The following QRICH1 variants were observed in gnomAD, a reference collection of about 807,000 sequenced individuals.
QRICH1 encodes the protein glutamine rich 1.
In QRICH1, 16 loss-of-function variants were observed where a neutral mutation model predicts 87.1. That is an observed-to-expected ratio of 0.18 (90% CI 0.12 to 0.28). QRICH1 has a LOEUF of 0.28. Among genes scored for constraint, QRICH1 ranks in the 10% least tolerant of loss-of-function variants. The pLI is 1.00. For missense variants in QRICH1, 647 were observed against 951.7 expected (o/e 0.68, Z 4.21); for synonymous variants, 367 against 368.4 (o/e 1.00, Z 0.05).
intron 1 of QRICH1, among the ~76,000 whole-genome samples, chr3:49,080,294 T>C (rs905518780): frequency 6.6e-6 from 1 of 152,090 alleles, no homozygotes; most frequent in Non-Finnish European, 1.5e-5. Context: ...CATAATATAC[T>C]GAGACTGATT....
chr3:49,048,256 C>T (rs1407311521), intron 3 of QRICH1, among the ~76,000 whole-genome samples: 2 of 151,556 alleles, frequency 1.3e-5, no homozygotes, highest in East Asian at 3.9e-4. Context: ...CCTCAGCCTC[C>T]CAAGTAGCTA....
chr3:49,057,049 A>G lies in QRICH1; in HGVS notation c.1151T>C (p.Phe384Ser). 6.2e-7 allele frequency: 1 copy of G among 1,614,220 alleles called. No homozygotes were observed. Among genetic ancestry groups the G allele is most frequent in the Non-Finnish European group, 8.5e-7 (1 of 1,180,036 alleles). ...EVVQTLANSL[F>S]PAQFMNGNIH... ...GTTGCCATTCATGAACTGTGCTGGAAAGAGAGAGTTTGCAAGGGTCTGCAC... is the reference window on the plus strand; with the variant it reads ...GTTGCCATTCATGAACTGTGCTGGAGAGAGAGAGTTTGCAAGGGTCTGCAC... The change falls in exon 3 of 10, where the codon TTT becomes TCT. Residue 384 changes from phenylalanine (F) to serine (S), a missense_variant. Phe to Ser is a radical substitution (Grantham distance 155). Around this residue, in one of 7 missense-constraint regions of QRICH1, gnomAD observed 115 missense variants for 126.8 expected, o/e 0.91. Coordinates refer to ENST00000395443, the MANE Select transcript of QRICH1 (RefSeq NM_198880.3). This position sits in a 1 kb window ranked among gnomAD's most constrained non-coding sequence, Gnocchi z 5.4.
intron 1 of QRICH1, among the ~76,000 whole-genome samples, chr3:49,081,396 AAC>A (rs1315299927): frequency 6.6e-6 from 1 of 151,844 alleles, no homozygotes; most frequent in Non-Finnish European, 1.5e-5. Flanking sequence ...CAGCCTAGGC[AAC>A]AGAGTGAGAC....
At chr3:49,050,200 G>C (rs1418968294) in intron 3 of QRICH1, among the ~76,000 whole-genome samples, 3 of 138,112 alleles carry the variant, frequency 2.2e-5, no homozygotes, top group Non-Finnish European at 3.0e-5. Context: ...AGTGAGCCAA[G>C]ATTGTGCCAC....
intron 2 of QRICH1, among the ~76,000 whole-genome samples, chr3:49,062,669 T>A (rs2093442142): frequency 6.6e-6 from 1 of 150,884 alleles, no homozygotes; most frequent in African/African-American, 2.4e-5. Context: ...ATTATACATT[T>A]CAAATGGGTA....
chr3:49,079,453 TAATATA>T (rs1265759407), intron 1 of QRICH1, among the ~76,000 whole-genome samples: 3 of 147,966 alleles, frequency 2.0e-5, no homozygotes, highest in Admixed American at 6.8e-5. Context: ...TACAATTATG[TAATATA>T]AATATAATTT....
In QRICH1 at chr3:49,057,162, G is replaced by A; in HGVS notation, c.1038C>T (p.Pro346=). 6.2e-7 allele frequency: 1 copy of A among 1,614,200 alleles called. No homozygotes were observed. The highest frequency in any genetic ancestry group is 8.5e-7 in the Non-Finnish European group (1 of 1,180,038). The part of the protein sequence containing the change: ...AYNAVHVSGS[P]TALAAVKLED... ...CCAGCTTAACAGCTGCCAGGGCTGT[G>A]GGTGAGCCACTGACGTGAACTGCGT... The change falls in exon 3 of 10, where the codon CCC becomes CCT. Residue 346 remains proline (P), a synonymous_variant. Coordinates refer to ENST00000395443, the MANE Select transcript of QRICH1 (RefSeq NM_198880.3). The surrounding 1 kb of genome is among the most constrained non-coding windows in gnomAD (Gnocchi z 5.4).
intron 1 of QRICH1, among the ~76,000 whole-genome samples, chr3:49,092,003 C>T (rs201004553): frequency 4.7e-5 from 7 of 147,398 alleles, no homozygotes; most frequent in African/African-American, 1.8e-4. Flanking sequence ...ACCAGGGAGG[C>T]GGAGGTTGCA....
chr3:49,090,271 A>T (rs566615046), intron 1 of QRICH1, among the ~76,000 whole-genome samples: 1 of 152,360 alleles, frequency 6.6e-6, no homozygotes, highest in African/African-American at 2.4e-5. Context: ...CATGCTGGCT[A>T]ACACGGTGAA....
At chr3:49,089,993 T>C (rs1272147894) in intron 1 of QRICH1, among the ~76,000 whole-genome samples, 1 of 152,196 alleles carries the variant, frequency 6.6e-6, no homozygotes, top group African/African-American at 2.4e-5. Context: ...TTTACATGGA[T>C]GGATAAATAT....
chr3:49,061,134 TAAAAAAAAAAAAAAAA>T lies in QRICH1; in HGVS notation c.310-3260_310-3245del, dbSNP rs57557768. 1.3e-4 allele frequency among the ~76,000 whole-genome samples: 5 copies of T among 39,742 alleles called. No individual in the cohort carries two copies. The East Asian group carries it at 3.7e-3, about 29-fold the overall frequency. The allele number at this position is 39,742 out of a possible 152,430, so 26.1% of individuals were successfully genotyped here. Reference sequence around the variant, plus strand: ...TGGGTGACAGAGTGAGCCTCCATCTTAAAAAAAAAAAAAAAAAAAAAAAAAAAAAAAAATCTAACAC... The same window carrying T: ...TGGGTGACAGAGTGAGCCTCCATCTTAAAAAAAAAAAAAAAAATCTAACAC... On this transcript the variant is annotated intron_variant, in intron 2 of 9. Transcript: ENST00000395443.
intron 2 of QRICH1, among the ~76,000 whole-genome samples, chr3:49,058,375 G>A (rs546314817): frequency 6.6e-6 from 1 of 152,118 alleles, no homozygotes; most frequent in African/African-American, 2.4e-5. Flanking sequence ...CGCCCAGGCT[G>A]GAATGCAGTG....
chr3:49,056,673 C>G, intron 3 of QRICH1, 189 bp downstream of exon 3: 1 of 1,091,560 alleles, frequency 9.2e-7, no homozygotes, highest in South Asian at 1.5e-5. Context: ...CCTCCAGGTA[C>G]CAGGATAAAC....
chr3:49,036,502 C>T (rs2093275792), intron 6 of QRICH1, among the ~76,000 whole-genome samples: 1 of 152,160 alleles, frequency 6.6e-6, no homozygotes, highest in African/African-American at 2.4e-5. Context: ...AAAGAGGCTT[C>T]TAATGGCCAA....
chr3:49,065,064 T>C (rs897330852), intron 2 of QRICH1, among the ~76,000 whole-genome samples: 3 of 151,986 alleles, frequency 2.0e-5, no homozygotes, highest in African/African-American at 4.8e-5. Flanking sequence ...ATAAATAACA[T>C]ATTCTCATGA....
At chr3:49,076,099 C>T (rs917748168) in intron 2 of QRICH1, among the ~76,000 whole-genome samples, 1 of 151,862 alleles carries the variant, frequency 6.6e-6, no homozygotes, top group Non-Finnish European at 1.5e-5. Context: ...AAAAATTAGC[C>T]GAGTGTGTTG....
rs530387336 is a variant in QRICH1, at chr3:49,072,989, C to G, written c.309+3720G>C. Among the ~76,000 whole-genome samples the G allele has an allele frequency of 9.2e-5, 14 of 152,000 alleles. No homozygotes were observed. The South Asian group carries it at 2.7e-3, about 29-fold the overall frequency. On this transcript the variant is annotated intron_variant, in intron 2 of 9. Transcript: ENST00000395443. ...CCCAGGAGGTAGAGGCTGCAGTGAG[C>G]CATGATCATGTCACAGCACTCCAGC...
At chr3:49,034,660 GT>G (rs149914736) in intron 6 of QRICH1, among the ~76,000 whole-genome samples, 5,451 of 152,218 alleles carry the variant, frequency 0.036, 112 homozygotes, top group Middle Eastern at 0.044. Flanking sequence ...CAGGGCTGGT[GT>G]TACTGTAAGA....
intron 6 of QRICH1, among the ~76,000 whole-genome samples, chr3:49,042,793 G>C (rs928172570): frequency 6.6e-6 from 1 of 151,902 alleles, no homozygotes; most frequent in African/African-American, 2.4e-5. Flanking sequence ...GGCTGGTCTT[G>C]AACTCCCAAT....
Sources: allele counts gnomAD v4.1 joint callset (sites outside exome capture counted in the v4.1 genomes callset), GRCh38; gene constraint gnomAD v4.1.1; regional missense constraint gnomAD v4.1.1; non-coding constraint Gnocchi (gnomAD v3.1); transcripts MANE v1.5; gene names NCBI Gene and HGNC (gene_info 2026-07-23, HGNC 2026-07-21).